Variants in MCF2L observed in about 807,000 individuals in gnomAD.
MCF2L encodes guanine nucleotide exchange factor DBS.
In MCF2L, 97 loss-of-function variants were observed where a neutral mutation model predicts 153.4. The ratio of observed to expected loss-of-function variants is 0.63; its 90% CI spans 0.54 to 0.75. The LOEUF is 0.75. MCF2L is among the 30% of genes least tolerant of loss of function. The probability of loss-of-function intolerance (pLI) is 0.00; values close to 1 mark genes in which losing one functional copy is unlikely to be tolerated. For missense variants in MCF2L, 1,347 were observed against 1,495.2 expected (o/e 0.90, Z 1.64); for synonymous variants, 659 against 632.2 (o/e 1.04, Z -0.64).
At chr13:112,919,969 T>C (rs1452350832) in intron 2 of MCF2L, among the ~76,000 whole-genome samples, 2 of 152,244 alleles carry the variant, frequency 1.3e-5, no homozygotes, top group Non-Finnish European at 2.9e-5. Context: ...TCTTTTCTTA[T>C]GGTAGCGAGG....
chr13:112,929,816 C>T (rs1291919372), intron 2 of MCF2L, among the ~76,000 whole-genome samples: 1 of 152,220 alleles, frequency 6.6e-6, no homozygotes, highest in African/African-American at 2.4e-5. Context: ...GGGACGGTCA[C>T]TGTGGCTGAG....
chr13:113,014,093 C>T (rs2084353474), intron 1 of MCF2L, among the ~76,000 whole-genome samples: 1 of 152,176 alleles, frequency 6.6e-6, no homozygotes, highest in Non-Finnish European at 1.5e-5. Context: ...CTGGTACTGG[C>T]CCCATGCTCC....
Position 113,063,224 on chromosome 13 carries a change from C to A in MCF2L, c.490-1080C>A, listed in dbSNP as rs537819324. On this transcript the variant is annotated intron_variant, in intron 5 of 29. Transcript: ENST00000535094. ...AGACACAGAGTGGGCGGCTGGCCTG[C>A]GGGCGAGTGGGACCCACATCTGGGT... Among the ~76,000 whole-genome samples the A allele has an allele frequency of 5.3e-3, 810 of 152,304 alleles. 6 individuals carry two copies. Among genetic ancestry groups the A allele is most frequent in the Non-Finnish European group, 9.8e-3 (667 of 68,030 alleles).
At chr13:113,080,820 A>G (rs2034060475) in intron 15 of MCF2L, among the ~76,000 whole-genome samples, 1 of 152,226 alleles carries the variant, frequency 6.6e-6, no homozygotes, top group African/African-American at 2.4e-5. Flanking sequence ...TCTTGGCAGA[A>G]GAGACTCGGG....
chr13:113,095,523 T>C (rs1350246055), intron 27 of MCF2L: 4 of 1,039,492 alleles, frequency 3.8e-6, no homozygotes, highest in Non-Finnish European at 3.5e-6. Context: ...GGAGTGATCC[T>C]GGCTACTCTG....
At chr13:112,961,413 G>A (rs1360147803) in intron 2 of MCF2L, among the ~76,000 whole-genome samples, 1 of 152,232 alleles carries the variant, frequency 6.6e-6, no homozygotes, top group African/African-American at 2.4e-5. Context: ...GGAGATGCCT[G>A]GTTCCCCAGG....
chr13:112,935,589 G>A lies in MCF2L; in HGVS notation c.169+33218G>A, dbSNP rs549512275. Among the ~76,000 whole-genome samples the A allele has an allele frequency of 2.6e-5, 4 of 152,316 alleles. No individual in the cohort carries two copies. In the South Asian group the frequency reaches 8.3e-4, roughly 32 times the overall value. On this transcript the variant is annotated intron_variant, in intron 2 of 29. Coordinates refer to the MCF2L transcript ENST00000375608. ...TCATTTTAAGGTAGGCTTTCTGTGA[G>A]ATGATTTTGCCCAACCGTAGCCTCA...
intron 1 of MCF2L, among the ~76,000 whole-genome samples, chr13:113,003,898 T>G (rs547090544): frequency 1.2e-4 from 18 of 152,276 alleles, no homozygotes; most frequent in African/African-American, 3.8e-4. Context: ...CCACTGGCCT[T>G]GGAGAGTCTG....
At chr13:112,911,691 G>A (rs997303373) in intron 2 of MCF2L, among the ~76,000 whole-genome samples, 2 of 152,256 alleles carry the variant, frequency 1.3e-5, no homozygotes, top group Admixed American at 1.3e-4. Flanking sequence ...CCGAGGGCGC[G>A]GCGGGCCTGC....
At position 113,074,412 on chromosome 13, in the gene MCF2L, AC is replaced by A. The variant is rs758814709; in HGVS notation, c.997-26del. The A allele has an allele frequency of 1.9e-5, 31 of 1,600,708 alleles. No homozygotes were observed. The East Asian group carries it at 6.5e-4, about 34-fold the overall frequency. ...TTCTCTCTGTTCAGGTGAGGGAGACACCCCCCTGAGATGGGCCCTCCTCTGT... is the reference window on the plus strand; with the variant it reads ...TTCTCTCTGTTCAGGTGAGGGAGACACCCCCTGAGATGGGCCCTCCTCTGT... On this transcript the variant is annotated intron_variant, in intron 9 of 29. Coordinates refer to ENST00000535094, the MANE Select transcript of MCF2L (RefSeq NM_001112732.3). This position sits in a 1 kb window ranked among gnomAD's most constrained non-coding sequence, Gnocchi z 4.2.
intron 2 of MCF2L, among the ~76,000 whole-genome samples, chr13:112,903,443 C>A (rs1443526023): frequency 6.6e-6 from 1 of 152,212 alleles, no homozygotes. Flanking sequence ...CAGGTGAGAA[C>A]TGCCCTGGCC....
rs373716043 is a variant in MCF2L, at chr13:113,064,433, G to A, written c.606+13G>A. 6.9e-5 allele frequency: 107 copies of A among 1,552,642 alleles called. No homozygotes were observed. The African/African-American group carries it at 1.0e-3, about 15-fold the overall frequency. ...GTGCCAGCGCACGGTGAGCCGCGTC[G>A]GGGCCAGCGGGGCTGGCTGATACCA... is the stretch of plus-strand genomic sequence containing the variant. On this transcript the variant is annotated intron_variant, in intron 6 of 29. Coordinates refer to ENST00000535094, the MANE Select transcript of MCF2L (RefSeq NM_001112732.3). This position sits in a 1 kb window ranked among gnomAD's most constrained non-coding sequence, Gnocchi z 6.0.
chr13:113,064,414 G>A lies in MCF2L; in HGVS notation c.600G>A (p.Gln200=). ...LDYCHSRWLC[Q]RTAIESFALM... ...ACTGCCACTCCCGGTGGCTGTGCCA[G>A]CGCACGGTGAGCCGCGTCGGGGCCA... The change falls in exon 6 of 30, where the codon CAG becomes CAA. Residue 200 remains glutamine, a synonymous_variant. Transcript: ENST00000535094. The surrounding 1 kb of genome is among the most constrained non-coding windows in gnomAD (Gnocchi z 6.0). 6.2e-7 allele frequency: 1 copy of A among 1,610,434 alleles called. No homozygotes were observed. Among genetic ancestry groups the A allele is most frequent in the Non-Finnish European group, 8.5e-7 (1 of 1,178,354 alleles).
upstream of MCF2L, chr13:112,968,631 C>T (rs922702247): frequency 7.9e-6 from 12 of 1,527,194 alleles, no homozygotes; most frequent in Non-Finnish European, 1.1e-5. Flanking sequence ...GGGCGCGGCG[C>T]GGGTGGCATG....
chr13:112,978,387 G>T (rs892089072), intron 1 of MCF2L, among the ~76,000 whole-genome samples: 5 of 152,220 alleles, frequency 3.3e-5, no homozygotes, highest in Non-Finnish European at 5.9e-5. Context: ...GGCAGGAGGG[G>T]GATGGTATGT....
chr13:112,938,183 C>T (rs1381544438), intron 2 of MCF2L, among the ~76,000 whole-genome samples: 2 of 120,474 alleles, frequency 1.7e-5, no homozygotes, highest in South Asian at 3.2e-4. Context: ...TTCAGGTGAG[C>T]GCTGAGGGGT....
intron 1 of MCF2L, chr13:113,010,334 G>A (rs1386478493): frequency 6.6e-6 from 1 of 152,206 alleles, no homozygotes; most frequent in Non-Finnish European, 1.5e-5. Context: ...CAAGAGGAAG[G>A]AAGTTTGCTT....
chr13:113,088,549 T>A lies in MCF2L; in HGVS notation c.2768-13T>A. ...ACGCTCGTTCACGTGGTTTGTCTGCTCCCTCCTCGCAGAAGCCAGCCAGCA... is the reference window on the plus strand; with the variant it reads ...ACGCTCGTTCACGTGGTTTGTCTGCACCCTCCTCGCAGAAGCCAGCCAGCA... On this transcript the variant is annotated splice_polypyrimidine_tract_variant and intron_variant, in intron 24 of 29. Coordinates refer to ENST00000535094, the MANE Select transcript of MCF2L (RefSeq NM_001112732.3). 6.2e-7 allele frequency: 1 copy of A among 1,611,192 alleles called. No homozygotes were observed. Among genetic ancestry groups the A allele is most frequent in the Non-Finnish European group, 8.5e-7 (1 of 1,179,676 alleles).
At chr13:112,939,699 C>T (rs1439442028) in intron 2 of MCF2L, among the ~76,000 whole-genome samples, 4 of 152,132 alleles carry the variant, frequency 2.6e-5, no homozygotes, top group Admixed American at 6.5e-5. Flanking sequence ...CTAGGCAAGC[C>T]GGATGCAGTG....
Sources: allele counts gnomAD v4.1 joint callset (sites outside exome capture counted in the v4.1 genomes callset), GRCh38; gene constraint gnomAD v4.1.1; non-coding constraint Gnocchi (gnomAD v3.1); transcripts MANE v1.5; gene names NCBI Gene and HGNC (gene_info 2026-07-23, HGNC 2026-07-21).